Variants in PPP1R1C observed in about 807,000 individuals in gnomAD.
PPP1R1C encodes protein phosphatase 1 regulatory inhibitor subunit 1C.
Under a neutral mutation model 17.4 loss-of-function variants are expected in PPP1R1C, and 15 were observed. The observed-to-expected ratio is 0.86, with a 90% CI of 0.58 to 1.33. PPP1R1C has a LOEUF of 1.33. Among genes scored for constraint, PPP1R1C ranks in the 40% most tolerant of loss-of-function variants. The pLI, the probability that PPP1R1C is intolerant of heterozygous loss-of-function variation, is 0.00. For synonymous variants in PPP1R1C, 35 were observed against 43.1 expected, an observed-to-expected ratio of 0.81 and a Z score of 0.73; for missense variants, 143 against 130.0, an observed-to-expected ratio of 1.10 and a Z score of -0.48.
intron 2 of PPP1R1C, among the ~76,000 whole-genome samples, chr2:182,048,521 A>AC (rs1381979450): frequency 6.6e-6 from 1 of 152,252 alleles, no homozygotes; most frequent in Non-Finnish European, 1.5e-5. Context: ...TTTCTCTGGC[A>AC]CTTTGAACAG....
At chr2:182,094,218 C>A (rs957945998) in intron 4 of PPP1R1C, among the ~76,000 whole-genome samples, 5 of 152,176 alleles carry the variant, frequency 3.3e-5, no homozygotes, top group African/African-American at 1.2e-4. Context: ...TGCAGAGAAA[C>A]TCCCACTTAT....
At chr2:182,076,181 C>CTTTTTTTTTCTTTTTT (rs1688292268) in intron 4 of PPP1R1C, among the ~76,000 whole-genome samples, 1 of 47,486 alleles carries the variant, frequency 2.1e-5, no homozygotes, top group African/African-American at 8.6e-5. Flanking sequence ...GGATTTTGAA[C>CTTTTTTTTTCTTTTTT]TTTTTTTTTT....
intron 2 of PPP1R1C, among the ~76,000 whole-genome samples, chr2:182,027,117 C>G (rs1406337382): frequency 6.9e-6 from 1 of 144,822 alleles, no homozygotes; most frequent in East Asian, 2.0e-4. Context: ...TGGGCTGTGA[C>G]CATGGGGTTT....
chr2:182,061,352 C>T, intron 2 of PPP1R1C, 90 bp from the exon 3 acceptor site: 2 of 915,330 alleles, frequency 2.2e-6, no homozygotes, highest in Admixed American at 3.3e-5. Flanking sequence ...ATTATTAAAT[C>T]ATTTTTATCC....
At chr2:182,118,634 G>C (rs1689651598), downstream of PPP1R1C, among the ~76,000 whole-genome samples, 1 of 130,698 alleles carries the variant, frequency 7.7e-6, no homozygotes, top group South Asian at 2.6e-4. Flanking sequence ...TAATGTAGAA[G>C]TTAAGAGAGT....
intron 2 of PPP1R1C, among the ~76,000 whole-genome samples, chr2:182,000,401 A>C (rs1163848416): frequency 6.6e-6 from 1 of 152,058 alleles, no homozygotes; most frequent in East Asian, 1.9e-4. Flanking sequence ...TCTTCATAGG[A>C]TGCATGTTCC....
At chr2:182,002,271 ATAGGTCTACCTT>A (rs1559051901) in intron 2 of PPP1R1C, among the ~76,000 whole-genome samples, 13 of 152,080 alleles carry the variant, frequency 8.5e-5, no homozygotes, top group Non-Finnish European at 1.9e-4. Flanking sequence ...TTTTAGAACT[ATAGGTCTACCTT>A]TCACTCCAGT....
chr2:182,033,043 A>G (rs1414561806), intron 2 of PPP1R1C, among the ~76,000 whole-genome samples: 1 of 152,200 alleles, frequency 6.6e-6, no homozygotes, highest in Non-Finnish European at 1.5e-5. Flanking sequence ...CTTTGTTAAA[A>G]GTTACTATTA....
intron 2 of PPP1R1C, among the ~76,000 whole-genome samples, chr2:182,022,982 T>C (rs149885664): frequency 8.0e-4 from 122 of 152,260 alleles, no homozygotes; most frequent in African/African-American, 2.9e-3. Flanking sequence ...AAGAAGATAA[T>C]AAATTAATGT....
intron 2 of PPP1R1C, among the ~76,000 whole-genome samples, chr2:182,008,549 A>G (rs1469539819): frequency 6.6e-6 from 1 of 152,170 alleles, no homozygotes; most frequent in Non-Finnish European, 1.5e-5. Context: ...TTATGGGCAT[A>G]TAGTAGGTGA....
chr2:182,027,738 G>A (rs1686665478), intron 2 of PPP1R1C, among the ~76,000 whole-genome samples: 1 of 151,384 alleles, frequency 6.6e-6, no homozygotes, highest in Non-Finnish European at 1.5e-5. Flanking sequence ...AATGAGTTAG[G>A]GAGGAGTCCC....
chr2:182,030,632 C>T (rs868775817), intron 2 of PPP1R1C, among the ~76,000 whole-genome samples: 97 of 146,796 alleles, frequency 6.6e-4, no homozygotes, highest in African/African-American at 2.2e-3. Flanking sequence ...CAGACAGGGA[C>T]ATTTAAGTCT....
At chr2:182,109,776 C>G (rs895755236) in intron 4 of PPP1R1C, among the ~76,000 whole-genome samples, 5 of 152,154 alleles carry the variant, frequency 3.3e-5, no homozygotes, top group Admixed American at 3.3e-4. Context: ...AAAGTAGCAT[C>G]AGTTCCCCAC....
chr2:182,059,912 T>C (rs1687800530), intron 2 of PPP1R1C, among the ~76,000 whole-genome samples: 1 of 152,092 alleles, frequency 6.6e-6, no homozygotes, highest in African/African-American at 2.4e-5. Context: ...TTGGATTTTG[T>C]AAACTCCTAA....
chr2:182,022,739 T>G (rs1230790852), intron 2 of PPP1R1C, among the ~76,000 whole-genome samples: 2 of 152,134 alleles, frequency 1.3e-5, no homozygotes. Context: ...CCATTAGAAA[T>G]CATCATGGCC....
chr2:181,966,017 T>C (rs1684898833), intron 1 of PPP1R1C, among the ~76,000 whole-genome samples: 1 of 152,192 alleles, frequency 6.6e-6, no homozygotes, highest in Non-Finnish European at 1.5e-5. Flanking sequence ...AATATTTCAC[T>C]TCTTTGGTTA....
intron 2 of PPP1R1C, among the ~76,000 whole-genome samples, chr2:182,028,293 A>T (rs199808885): frequency 0.16 from 21,283 of 131,598 alleles, 1,912 homozygotes; most frequent in East Asian, 0.28. Flanking sequence ...AGTTCTTTTA[A>T]TTGTGATGTT....
chr2:182,113,842 G>A lies in PPP1R1C; in HGVS notation c.242-3365G>A, dbSNP rs148161759. Among the ~76,000 whole-genome samples the A allele has an allele frequency of 1.8e-3, 272 of 152,076 alleles. 3 individuals are homozygous for A. Among genetic ancestry groups the A allele is most frequent in the Admixed American group, 3.9e-3 (60 of 15,262 alleles). On this transcript the variant is annotated intron_variant, in intron 4 of 4. Coordinates refer to ENST00000682840, the MANE Select transcript of PPP1R1C (RefSeq NM_001080545.3). ...CAAATGTAATGAGCCTCCTGTCTTT[G>A]GCTTCAGATTAATTGATTAAAAATA...
rs967936608 is a variant in PPP1R1C at position 181,961,302 on chromosome 2, A to T, written n.111+6668A>T. On this transcript the variant is annotated intron_variant and non_coding_transcript_variant, in intron 1 of 5. Coordinates refer to the PPP1R1C transcript ENST00000464264. This position sits in a 1 kb window ranked among gnomAD's most constrained non-coding sequence, Gnocchi z 5.8. ...GCATGGAGTTGCTGTTGTCCAGGGCATCACCAAGATTGAAGTCATCATCAT... is the reference window on the plus strand; with the variant it reads ...GCATGGAGTTGCTGTTGTCCAGGGCTTCACCAAGATTGAAGTCATCATCAT... 4 of 734,978 alleles carry T rather than the reference A, an allele frequency of 5.4e-6. No homozygotes were observed. The highest frequency in any genetic ancestry group is 9.9e-6 in the Non-Finnish European group (4 of 405,456). 45.5% of individuals were successfully genotyped at this position (734,978 alleles called of 1,614,324 possible).
Sources: allele counts gnomAD v4.1 joint callset (sites outside exome capture counted in the v4.1 genomes callset), GRCh38; gene constraint gnomAD v4.1.1; non-coding constraint Gnocchi (gnomAD v3.1); transcripts MANE v1.5; gene names NCBI Gene and HGNC (gene_info 2026-07-23, HGNC 2026-07-21).